The following SLIT2 variants were observed in gnomAD, a reference collection of about 807,000 sequenced individuals.
SLIT2 encodes slit homolog 2 protein.
A neutral mutation model predicts 185.7 loss-of-function variants in SLIT2; 41 were observed. The ratio of observed to expected loss-of-function variants is 0.22; its 90% CI spans 0.17 to 0.29. SLIT2 has a LOEUF of 0.29. SLIT2 is among the 10% of genes least tolerant of loss of function. The pLI is 1.00. For synonymous variants in SLIT2, 693 were observed against 680.2 expected, an observed-to-expected ratio of 1.02 and a Z score of -0.29; for missense variants, 1,571 against 1,909.0, an observed-to-expected ratio of 0.82 and a Z score of 3.30.
rs1319204609 is a variant in SLIT2 at position 20,598,471 on chromosome 4, T to C, written c.3692+76T>C. Reference sequence around the variant, plus strand: ...AACTGCTTCTCCTCTATCATTTTATTATGGAGAGGAGAGAGACTAAGTTGG... The same window carrying C: ...AACTGCTTCTCCTCTATCATTTTATCATGGAGAGGAGAGAGACTAAGTTGG... On this transcript the variant is annotated intron_variant, in intron 33 of 36. Coordinates refer to ENST00000504154, the MANE Select transcript of SLIT2 (RefSeq NM_004787.4). 15 of 1,533,760 alleles carry C rather than the reference T, an allele frequency of 9.8e-6. No individual in the cohort carries two copies. In the East Asian group the frequency reaches 3.2e-4, roughly 32 times the overall value.
chr4:20,339,318 T>C (rs957045585), intron 4 of SLIT2, among the ~76,000 whole-genome samples: 8 of 152,122 alleles, frequency 5.3e-5, no homozygotes, highest in Admixed American at 5.2e-4. Flanking sequence ...TCACATATAT[T>C]TGTTAAAAGC....
At chr4:20,281,503 C>A (rs904967481) in intron 4 of SLIT2, among the ~76,000 whole-genome samples, 1 of 152,132 alleles carries the variant, frequency 6.6e-6, no homozygotes, top group Non-Finnish European at 1.5e-5. Flanking sequence ...AACCTGAATA[C>A]CCTGAAGGCA....
chr4:20,537,093 C>T (rs1722365587), intron 18 of SLIT2, among the ~76,000 whole-genome samples: 1 of 152,104 alleles, frequency 6.6e-6, no homozygotes, highest in South Asian at 2.1e-4. Flanking sequence ...TTATAGTTAA[C>T]TTTTTGTTAA....
At chr4:20,499,677 A>T (rs1416863969) in intron 9 of SLIT2, among the ~76,000 whole-genome samples, 1 of 151,966 alleles carries the variant, frequency 6.6e-6, no homozygotes, top group East Asian at 1.9e-4. Flanking sequence ...TTTAGTAGAG[A>T]TGGGGTTTCA....
chr4:20,340,661 C>T (rs1434386259), intron 4 of SLIT2, among the ~76,000 whole-genome samples: 1 of 152,072 alleles, frequency 6.6e-6, no homozygotes, highest in African/African-American at 2.4e-5. Context: ...AGTGCAGCGG[C>T]GAGATCTCAG....
intron 4 of SLIT2, among the ~76,000 whole-genome samples, chr4:20,371,429 G>A (rs115169520): frequency 0.016 from 2,377 of 152,112 alleles, 55 homozygotes; most frequent in African/African-American, 0.05. Flanking sequence ...TCCAATAGAA[G>A]CAGTATATTA....
intron 9 of SLIT2, among the ~76,000 whole-genome samples, chr4:20,509,433 A>T (rs1719503491): frequency 6.6e-6 from 1 of 151,746 alleles, no homozygotes; most frequent in Non-Finnish European, 1.5e-5. Flanking sequence ...AGGAGATGAG[A>T]CCACTGCTGT....
At chr4:20,459,312 G>A (rs1175079419) in intron 4 of SLIT2, among the ~76,000 whole-genome samples, 2 of 152,120 alleles carry the variant, frequency 1.3e-5, no homozygotes, top group African/African-American at 4.8e-5. Context: ...AGTCAAGGTG[G>A]TGATAAAAAC....
At chr4:20,291,939 T>C (rs893141467) in intron 4 of SLIT2, among the ~76,000 whole-genome samples, 132 of 148,138 alleles carry the variant, frequency 8.9e-4, no homozygotes, top group East Asian at 5.9e-3. Context: ...TGTGTGTGTG[T>C]GCATGTGTGT....
intron 9 of SLIT2, among the ~76,000 whole-genome samples, chr4:20,495,409 G>T (rs550361415): frequency 2.0e-5 from 3 of 152,150 alleles, no homozygotes; most frequent in Non-Finnish European, 2.9e-5. Context: ...AGATCATAGG[G>T]AAGGGGAACA....
At position 20,294,776 on chromosome 4, in the gene SLIT2, TG is replaced by T. The variant is rs2109091002; in HGVS notation, c.395+25896del. ...GGTAGATAGCCATGGTTGGAATTCA[TG>T]TCTTCTGAGGTTCATAAAACAGGCC... On this transcript the variant is annotated intron_variant, in intron 4 of 36. Coordinates refer to ENST00000504154, the MANE Select transcript of SLIT2 (RefSeq NM_004787.4). Among the ~76,000 whole-genome samples the T allele has an allele frequency of 1.3e-5, 2 of 152,332 alleles. 1 individual carries two copies. Among genetic ancestry groups the T allele is most frequent in the South Asian group, 4.1e-4 (2 of 4,826 alleles).
At chr4:20,486,311 T>G (rs750404355) in intron 7 of SLIT2, 40 bp downstream of exon 7, 1 of 1,148,362 alleles carries the variant, frequency 8.7e-7, no homozygotes, top group Admixed American at 1.7e-5. Flanking sequence ...TATTAATCAA[T>G]TAAAGCTTCC....
rs1030448993 is a variant in SLIT2, at chr4:20,484,097, A to G, written c.540-2103A>G. On this transcript the variant is annotated intron_variant, in intron 6 of 36. Transcript: ENST00000504154. The surrounding 1 kb of genome is among the most constrained non-coding windows in gnomAD (Gnocchi z 4.3). ...TGATAACTGAAGTTTTTGGCATTCA[A>G]TGAAAGTTTTCCTTTGCATGGAGAT... is the stretch of plus-strand genomic sequence containing the variant. Among the ~76,000 whole-genome samples, 9 of 152,094 alleles carry G rather than the reference A, an allele frequency of 5.9e-5. No homozygotes were observed. The highest frequency in any genetic ancestry group is 1.0e-4 in the Non-Finnish European group (7 of 67,984).
chr4:20,315,159 A>G (rs1434080666), intron 4 of SLIT2, among the ~76,000 whole-genome samples: 1 of 152,154 alleles, frequency 6.6e-6, no homozygotes, highest in Non-Finnish European at 1.5e-5. Flanking sequence ...AATGACAAAA[A>G]GCTAGGAATA....
intron 3 of SLIT2, among the ~76,000 whole-genome samples, chr4:20,258,357 GA>G (rs1712082021): frequency 6.6e-6 from 1 of 151,628 alleles, no homozygotes. Context: ...TGTTATCAGT[GA>G]CATTTGATGA....
At chr4:20,324,025 C>T (rs1045504324) in intron 4 of SLIT2, among the ~76,000 whole-genome samples, 2 of 151,998 alleles carry the variant, frequency 1.3e-5, no homozygotes, top group South Asian at 4.1e-4. Flanking sequence ...CACTTAAAAG[C>T]GGGGAAGAAA....
chr4:20,511,826 A>C (rs779045078), intron 11 of SLIT2, among the ~76,000 whole-genome samples: 1 of 151,806 alleles, frequency 6.6e-6, no homozygotes, highest in South Asian at 2.1e-4. Flanking sequence ...TGCTAGGCAA[A>C]ATCTTGCTGA....
intron 22 of SLIT2, among the ~76,000 whole-genome samples, chr4:20,546,651 T>A (rs1212722922): frequency 6.6e-6 from 1 of 152,096 alleles, no homozygotes; most frequent in African/African-American, 2.4e-5. Context: ...GAGTATAAAT[T>A]TCAAAATTTT....
At chr4:20,576,326 GTTT>G (rs1560208721) in intron 29 of SLIT2, among the ~76,000 whole-genome samples, 1 of 152,050 alleles carries the variant, frequency 6.6e-6, no homozygotes, top group Non-Finnish European at 1.5e-5. Context: ...TATTATTATT[GTTT>G]TTAATTGTAC....
Sources: allele counts gnomAD v4.1 joint callset (sites outside exome capture counted in the v4.1 genomes callset), GRCh38; gene constraint gnomAD v4.1.1; non-coding constraint Gnocchi (gnomAD v3.1); transcripts MANE v1.5; gene names NCBI Gene and HGNC (gene_info 2026-07-23, HGNC 2026-07-21).